The following CSGALNACT1 variants were observed in gnomAD, a reference collection of about 807,000 sequenced individuals.
CSGALNACT1 encodes the protein chondroitin sulfate N-acetylgalactosaminyltransferase 1.
CSGALNACT1 carries 52 observed loss-of-function variants against 51.0 expected under a neutral mutation model. The observed-to-expected ratio is 1.02, with a 90% CI of 0.82 to 1.29. The LOEUF is 1.29. CSGALNACT1 is among the 50% of genes most tolerant of loss of function. The probability of loss-of-function intolerance (pLI) is 0.00; values close to 1 mark genes in which losing one functional copy is unlikely to be tolerated. For synonymous variants in CSGALNACT1, 341 were observed against 254.4 expected (o/e 1.34, Z -3.24); for missense variants, 935 against 679.2 (o/e 1.38, Z -4.19).
intron 4 of CSGALNACT1, among the ~76,000 whole-genome samples, chr8:19,470,511 C>T (rs2067884432): frequency 6.6e-6 from 1 of 152,154 alleles, no homozygotes; most frequent in Non-Finnish European, 1.5e-5. Flanking sequence ...AAGACGGTGA[C>T]TCACTGAGCT....
chr8:19,647,118 G>A (rs1478425665), intron 1 of CSGALNACT1, among the ~76,000 whole-genome samples: 2 of 152,104 alleles, frequency 1.3e-5, no homozygotes, highest in South Asian at 2.1e-4. Context: ...GCTTCTGAAG[G>A]ACTGAAGCAG....
chr8:19,553,817 C>T (rs146865471), intron 3 of CSGALNACT1, among the ~76,000 whole-genome samples: 21 of 151,230 alleles, frequency 1.4e-4, no homozygotes, highest in African/African-American at 5.1e-4. Context: ...TTATTGTTCT[C>T]AGAGAGCTGA....
intron 6 of CSGALNACT1, among the ~76,000 whole-genome samples, chr8:19,430,863 G>C (rs2059552414): frequency 6.6e-6 from 1 of 152,080 alleles, no homozygotes; most frequent in Non-Finnish European, 1.5e-5. Context: ...TCCTTTCAAA[G>C]TTGTGTTGTA....
intron 6 of CSGALNACT1, among the ~76,000 whole-genome samples, chr8:19,423,890 G>A (rs185823081): frequency 6.6e-6 from 1 of 152,212 alleles, no homozygotes; most frequent in Non-Finnish European, 1.5e-5. Flanking sequence ...AGGCTGCACA[G>A]AAAGCCCTGG....
At chr8:19,511,593 G>C (rs2078475662) in intron 3 of CSGALNACT1, among the ~76,000 whole-genome samples, 1 of 152,174 alleles carries the variant, frequency 6.6e-6, no homozygotes. Flanking sequence ...AATTCCTGTA[G>C]GCAGGGTGTG....
At chr8:19,542,034 C>A (rs1421490968) in intron 3 of CSGALNACT1, among the ~76,000 whole-genome samples, 1 of 152,054 alleles carries the variant, frequency 6.6e-6, no homozygotes, top group Non-Finnish European at 1.5e-5. Context: ...ATGGATAGAT[C>A]TTATGATAAA....
At chr8:19,698,907 T>C (rs751948379) in intron 1 of CSGALNACT1, among the ~76,000 whole-genome samples, 2 of 152,238 alleles carry the variant, frequency 1.3e-5, no homozygotes, top group Non-Finnish European at 1.5e-5. Context: ...GTCTCTTCCA[T>C]AAAATGCCAT....
chr8:19,645,020 G>C (rs2057130530), intron 1 of CSGALNACT1, among the ~76,000 whole-genome samples: 1 of 152,024 alleles, frequency 6.6e-6, no homozygotes, highest in Non-Finnish European at 1.5e-5. Context: ...AAAATGAAAG[G>C]ATCTATGTAA....
exon 4 of CSGALNACT1, chr8:19,506,080 C>T (rs1291653586): frequency 6.0e-6 from 4 of 665,410 alleles, no homozygotes; most frequent in Non-Finnish European, 1.1e-5. Context: ...AAGTTTTCAC[C>T]TTCATTCCCA....
At chr8:19,560,276 A>T (rs2154095676) in intron 3 of CSGALNACT1, among the ~76,000 whole-genome samples, 1 of 152,356 alleles carries the variant, frequency 6.6e-6, no homozygotes, top group East Asian at 1.9e-4. Flanking sequence ...TGCAAGATTA[A>T]ACTCTAAAGC....
upstream of CSGALNACT1, among the ~76,000 whole-genome samples, chr8:19,683,595 A>G (rs2060789087): frequency 6.6e-6 from 1 of 152,176 alleles, no homozygotes; most frequent in African/African-American, 2.4e-5. Context: ...ATTTGCCAAA[A>G]ACACACAAAA....
chr8:19,435,521 G>C (rs1220599715), intron 6 of CSGALNACT1, among the ~76,000 whole-genome samples: 3 of 151,412 alleles, frequency 2.0e-5, no homozygotes, highest in African/African-American at 7.3e-5. Context: ...CTATTACATA[G>C]CTCCAAGCGA....
At chr8:19,406,362 C>T (rs926657216) in intron 9 of CSGALNACT1, among the ~76,000 whole-genome samples, 4 of 151,802 alleles carry the variant, frequency 2.6e-5, no homozygotes, top group African/African-American at 9.7e-5. Flanking sequence ...ACAGCCCCAG[C>T]CTCGTGGTTA....
At chr8:19,685,657 C>T (rs1283176937), upstream of CSGALNACT1, among the ~76,000 whole-genome samples, 1 of 152,148 alleles carries the variant, frequency 6.6e-6, no homozygotes, top group Admixed American at 6.5e-5. Flanking sequence ...GGTTCTCAGG[C>T]TGAAGGTGCC....
intron 6 of CSGALNACT1, among the ~76,000 whole-genome samples, chr8:19,439,156 T>C (rs747119565): frequency 4.6e-5 from 7 of 152,256 alleles, no homozygotes; most frequent in Non-Finnish European, 8.8e-5. Context: ...GGATTACTTA[T>C]TCATTTATTT....
At chr8:19,552,216 T>C (rs776069207) in intron 3 of CSGALNACT1, among the ~76,000 whole-genome samples, 4 of 152,178 alleles carry the variant, frequency 2.6e-5, no homozygotes, top group African/African-American at 4.8e-5. Context: ...AGAATTATTA[T>C]AGACACAAGA....
intron 4 of CSGALNACT1, 55 bp from the exon 4 acceptor site, chr8:19,458,697 G>C: frequency 4.6e-6 from 7 of 1,517,810 alleles, no homozygotes; most frequent in Non-Finnish European, 5.4e-6. Flanking sequence ...TGGCTGCTGA[G>C]TGTTTTTCAA....
chr8:19,502,319 C>A (rs150350924), intron 4 of CSGALNACT1, among the ~76,000 whole-genome samples: 1 of 152,180 alleles, frequency 6.6e-6, no homozygotes, highest in Non-Finnish European at 1.5e-5. Context: ...CGACAGAGAA[C>A]ATATATGTTC....
Position 19,713,775 on chromosome 8 carries a change from G to A in CSGALNACT1, c.-297+44075C>T, listed in dbSNP as rs150012925. On this transcript the variant is annotated intron_variant, in intron 1 of 1. Coordinates refer to the CSGALNACT1 transcript ENST00000517494. ...ACCTTAATTCCAGACATCCAGCCTC[G>A]AGATCTGCAAGACCACACATTTCAG... Among the ~76,000 whole-genome samples, 348 of 152,252 alleles carry A rather than the reference G, an allele frequency of 2.3e-3. 1 individual carries two copies. The highest frequency in any genetic ancestry group is 3.3e-3 in the Non-Finnish European group (223 of 68,024).
Sources: gnomAD v4.1 joint callset for allele counts (sites outside exome capture counted in the v4.1 genomes callset) on GRCh38, gnomAD v4.1.1 for gene constraint, MANE v1.5 for transcripts, NCBI Gene and HGNC (gene_info 2026-07-23, HGNC 2026-07-21) for gene names.